The following ZNF140 variants were observed in gnomAD, a reference collection of about 807,000 sequenced individuals.
ZNF140 encodes the protein zinc finger protein 140, also known as zinc finger protein 140 (clone pHZ-39).
A neutral mutation model predicts 12.9 loss-of-function variants in ZNF140; 13 were observed. That is an observed-to-expected ratio of 1.01 (90% CI 0.66 to 1.60). The LOEUF (loss-of-function observed/expected upper bound fraction) is 1.60, where lower values mean the gene tolerates loss of function less well. Among genes scored for constraint, ZNF140 ranks in the 40% most tolerant of loss-of-function variants. ZNF140 has a pLI of 0.00. For missense variants in ZNF140, 531 were observed against 548.8 expected (o/e 0.97, Z 0.32); for synonymous variants, 214 against 186.7 (o/e 1.15, Z -1.19).
Position 133,081,348 on chromosome 12 carries a change from A to AATTATATATATATATATAT in ZNF140, c.9+21_9+22insTATATATATATATATATAT, listed in dbSNP as rs1954475671. ...GTCTCAGGTAAGCTAATGATTGATA[A>AATTATATATATATATATAT]ATATATATATATATATATATATAAA... On this transcript the variant is annotated intron_variant, in intron 2 of 4. Coordinates refer to ENST00000355557, the MANE Select transcript of ZNF140 (RefSeq NM_003440.4). The AATTATATATATATATATAT allele has an allele frequency of 3.2e-6, 1 of 311,778 alleles. No homozygotes were observed. Among genetic ancestry groups the AATTATATATATATATATAT allele is most frequent in the South Asian group, 2.4e-5 (1 of 42,056 alleles). The allele number at this position is 311,778 out of a possible 1,614,324, so 19.3% of individuals were successfully genotyped here.
intron 4 of ZNF140, among the ~76,000 whole-genome samples, chr12:133,085,431 C>T (rs1954642573): frequency 6.6e-6 from 1 of 152,152 alleles, no homozygotes; most frequent in South Asian, 2.1e-4. Flanking sequence ...AGAAGTAATG[C>T]ATGAACATAC....
chr12:133,096,306 C>T (rs972206115), intron 4 of ZNF140, among the ~76,000 whole-genome samples: 66 of 151,358 alleles, frequency 4.4e-4, no homozygotes, highest in African/African-American at 1.4e-3. Flanking sequence ...TTTTATACAA[C>T]ACGTTTTTGT....
At chr12:133,092,965 A>G (rs940936307) in intron 4 of ZNF140, among the ~76,000 whole-genome samples, 1 of 151,102 alleles carries the variant, frequency 6.6e-6, no homozygotes, top group Non-Finnish European at 1.5e-5. Flanking sequence ...ATGATCTTTG[A>G]TAGGAAGAAT....
chr12:133,106,780 C>A lies in ZNF140; in HGVS notation c.*129C>A. On this transcript the variant is annotated 3_prime_UTR_variant, in exon 5 of 5. Transcript: ENST00000355557. ...TGACTGTGAAGTAATATGGCCCACACTTTATTCACCACCCTGGAGAAAAAA... is the reference window on the plus strand; with the variant it reads ...TGACTGTGAAGTAATATGGCCCACAATTTATTCACCACCCTGGAGAAAAAA... 1 of 771,134 alleles carries A rather than the reference C, an allele frequency of 1.3e-6. No homozygotes were observed. The highest frequency in any genetic ancestry group is 1.9e-6 in the Non-Finnish European group (1 of 523,896). The allele number at this position is 771,134 out of a possible 1,614,324, so 47.8% of individuals were successfully genotyped here.
At chr12:133,104,082 A>G (rs1448901181) in intron 4 of ZNF140, among the ~76,000 whole-genome samples, 1 of 152,228 alleles carries the variant, frequency 6.6e-6, no homozygotes, top group African/African-American at 2.4e-5. Context: ...TGTGAGAGCA[A>G]TAACAGATAA....
intron 4 of ZNF140, among the ~76,000 whole-genome samples, chr12:133,102,954 G>A (rs1168775928): frequency 6.7e-6 from 1 of 149,204 alleles, no homozygotes; most frequent in Non-Finnish European, 1.5e-5. Flanking sequence ...TGTTTTGATT[G>A]TGTTTTTTAC....
intron 4 of ZNF140, among the ~76,000 whole-genome samples, chr12:133,095,433 C>A (rs1333332247): frequency 6.6e-6 from 1 of 150,786 alleles, no homozygotes; most frequent in Non-Finnish European, 1.5e-5. Flanking sequence ...TCTTAGCATA[C>A]CTTCACCCTA....
intron 2 of ZNF140, chr12:133,082,345 C>G (rs1954531847): frequency 6.6e-6 from 1 of 152,246 alleles, no homozygotes; most frequent in Non-Finnish European, 1.5e-5. Flanking sequence ...AACTTCAAAA[C>G]TGTAAATTAT....
At chr12:133,095,974 G>A (rs1379756149) in intron 4 of ZNF140, among the ~76,000 whole-genome samples, 4 of 151,342 alleles carry the variant, frequency 2.6e-5, no homozygotes, top group East Asian at 1.9e-4. Flanking sequence ...GCAGGCAGGA[G>A]ACAGTGGCCT....
In ZNF140 at chr12:133,105,523, T is replaced by C. The variant is rs1398532266; in HGVS notation, c.246T>C (p.Ser82=). 3.8e-6 allele frequency: 6 copies of C among 1,598,612 alleles called. No individual in the cohort carries two copies. The highest frequency in any genetic ancestry group is 5.1e-6 in the Non-Finnish European group (6 of 1,173,918). The change falls in exon 5 of 5, where the codon AGT becomes AGC. Residue 82 remains serine (S), a synonymous_variant. Coordinates refer to ENST00000355557, the MANE Select transcript of ZNF140 (RefSeq NM_003440.4). ...KRDLFSVSES[S]GEIKDFSPKN... Reference sequence around the variant, plus strand: ...GGTATCTTTCAGTTTCAGAGTCAAGTGGTGAGATCAAAGACTTTTCACCAA... The same window carrying C: ...GGTATCTTTCAGTTTCAGAGTCAAGCGGTGAGATCAAAGACTTTTCACCAA...
chr12:133,095,969 C>G (rs892063800), intron 4 of ZNF140, among the ~76,000 whole-genome samples: 15 of 151,168 alleles, frequency 9.9e-5, no homozygotes, highest in South Asian at 2.1e-4. Context: ...CAGGGGCAGG[C>G]AGGAGACAGT....
At chr12:133,084,425 T>C (rs1954606041) in intron 4 of ZNF140, among the ~76,000 whole-genome samples, 1 of 152,228 alleles carries the variant, frequency 6.6e-6, no homozygotes, top group Admixed American at 6.5e-5. Flanking sequence ...CTAGAGAGTG[T>C]GCAAAAGTGT....
chr12:133,085,281 C>A (rs1954638653), intron 4 of ZNF140, among the ~76,000 whole-genome samples: 1 of 152,154 alleles, frequency 6.6e-6, no homozygotes, highest in Non-Finnish European at 1.5e-5. Context: ...CCTAGGCCTC[C>A]CAAAGTGCTG....
At chr12:133,097,966 T>C (rs1329861889) in intron 4 of ZNF140, among the ~76,000 whole-genome samples, 1 of 152,050 alleles carries the variant, frequency 6.6e-6, no homozygotes, top group Non-Finnish European at 1.5e-5. Flanking sequence ...CCTATGTAGC[T>C]GAGATTACAG....
chr12:133,106,593 A>C lies in ZNF140; in HGVS notation c.1316A>C (p.Asn439Thr). ...CATCAGAGGACACACACTCTTGACA[A>C]CCCCTATGAATATGAAAATTCATTT... Reference protein sequence around the residue: ...AKHQRTHTLDNPYEYENSFNY... With the variant: ...AKHQRTHTLDTPYEYENSFNY... The change falls in exon 5 of 5, where the codon AAC becomes ACC. Residue 439 changes from asparagine to threonine, a missense_variant. Transcript: ENST00000355557. The C allele has an allele frequency of 6.2e-7, 1 of 1,610,186 alleles. No individual in the cohort carries two copies. The highest frequency in any genetic ancestry group is 8.5e-7 in the Non-Finnish European group (1 of 1,178,982).
At chr12:133,090,928 G>A (rs1954848386) in intron 4 of ZNF140, among the ~76,000 whole-genome samples, 1 of 144,778 alleles carries the variant, frequency 6.9e-6, no homozygotes. Flanking sequence ...CAGCATTACT[G>A]CAAACATATC....
Position 133,080,964 on chromosome 12 carries a change from C to T in ZNF140, c.-157C>T, listed in dbSNP as rs1369279537. On this transcript the variant is annotated 5_prime_UTR_variant, in exon 1 of 5. Transcript: ENST00000355557. ...CTGTAGGCAACGAAAGGAGCCCTCC[C>T]GGTCTGCGCCGGATGGCCCCGGGCG... 3 of 158,878 alleles carry T rather than the reference C, an allele frequency of 1.9e-5. No individual in the cohort carries two copies. The South Asian group carries it at 4.9e-4, about 26-fold the overall frequency. The allele number at this position is 158,878 out of a possible 1,614,324, so 9.8% of individuals were successfully genotyped here.
rs933289641 is a variant in ZNF140, at chr12:133,091,572, C to T, written c.232+8011C>T. 3.3e-5 allele frequency among the ~76,000 whole-genome samples: 5 copies of T among 150,634 alleles called. 1 individual carries two copies. Among genetic ancestry groups the T allele is most frequent in the African/African-American group, 1.2e-4 (5 of 40,572 alleles). On this transcript the variant is annotated intron_variant, in intron 4 of 4. Transcript: ENST00000355557. ...TTCCCCCTTTTCTTTTTGACAAAAC[C>T]GCCATCGTCATCATGACCCGTTCTC... is the stretch of plus-strand genomic sequence containing the variant.
In ZNF140 at chr12:133,106,003, G is replaced by T. The variant is rs768352843; in HGVS notation, c.726G>T (p.Glu242Asp). ...AACACCAGAGAACGCACACTGGGGA[G>T]AAACCTTATGAATGTACTGAGTGTG... The part of the protein sequence containing the change: ...LIEHQRTHTG[E>D]KPYECTECGK... Residue 242 changes from glutamate to aspartate, a missense_variant, in exon 5 of 5, where the codon GAG becomes GAT. Glu to Asp is a conservative substitution (Grantham distance 45). Transcript: ENST00000355557. 1.2e-6 allele frequency: 2 copies of T among 1,614,104 alleles called. No homozygotes were observed. Among genetic ancestry groups the T allele is most frequent in the Non-Finnish European group, 1.7e-6 (2 of 1,180,034 alleles).
Sources: allele counts gnomAD v4.1 joint callset (sites outside exome capture counted in the v4.1 genomes callset), GRCh38; gene constraint gnomAD v4.1.1; transcripts MANE v1.5; gene names NCBI Gene and HGNC (gene_info 2026-07-23, HGNC 2026-07-21).